The following MED27 variants were observed in gnomAD, a reference collection of about 807,000 sequenced individuals.
MED27 encodes mediator of RNA polymerase II transcription subunit 27.
In MED27, 30 loss-of-function variants were observed where a neutral mutation model predicts 38.2. The observed-to-expected ratio is 0.79, with a 90% CI of 0.59 to 1.07. The LOEUF (loss-of-function observed/expected upper bound fraction) is 1.07, where lower values mean the gene tolerates loss of function less well. MED27 is among the 50% of genes least tolerant of loss of function. MED27 has a pLI of 0.00. For missense variants in MED27, 289 were observed against 397.5 expected, an observed-to-expected ratio of 0.73 and a Z score of 2.32; for synonymous variants, 122 against 153.5, an observed-to-expected ratio of 0.79 and a Z score of 1.52.
chr9:131,897,708 G>A (rs1429082699), intron 4 of MED27, among the ~76,000 whole-genome samples: 1 of 152,192 alleles, frequency 6.6e-6, no homozygotes, highest in Non-Finnish European at 1.5e-5. Context: ...ATGGGTTCAT[G>A]GGGTTCTTTG....
rs1448963828 is a variant in MED27, at chr9:131,872,786, G to T, written c.724-9646C>A. On this transcript the variant is annotated intron_variant, in intron 6 of 7. Coordinates refer to ENST00000292035, the MANE Select transcript of MED27 (RefSeq NM_004269.4). The surrounding 1 kb of genome is among the most constrained non-coding windows in gnomAD (Gnocchi z 5.6). Reference sequence around the variant, plus strand: ...GTGCACACTGTGCCCTGAAGTTCCTGCCCCAATCCAGGAACCCACCTGCTG... The same window carrying T: ...GTGCACACTGTGCCCTGAAGTTCCTTCCCCAATCCAGGAACCCACCTGCTG... Among the ~76,000 whole-genome samples the T allele has an allele frequency of 6.6e-6, 1 of 152,196 alleles. No individual in the cohort carries two copies. Among genetic ancestry groups the T allele is most frequent in the Non-Finnish European group, 1.5e-5 (1 of 68,036 alleles).
chr9:131,973,820 G>T (rs1229341098), intron 3 of MED27, among the ~76,000 whole-genome samples: 1 of 151,766 alleles, frequency 6.6e-6, no homozygotes, highest in Non-Finnish European at 1.5e-5. Flanking sequence ...CCATTCTCCT[G>T]CCTCAGCCTC....
chr9:132,026,785 A>T (rs9411337), intron 2 of MED27, among the ~76,000 whole-genome samples: 88,108 of 152,048 alleles, frequency 0.58, 27,197 homozygotes, highest in Non-Finnish European at 0.68. Context: ...ATAAAAAAAA[A>T]AATAATAACA....
chr9:131,875,147 C>A (rs1206109694), intron 6 of MED27, among the ~76,000 whole-genome samples: 1 of 152,178 alleles, frequency 6.6e-6, no homozygotes, highest in Non-Finnish European at 1.5e-5. Context: ...GGTTGCGCCA[C>A]TGGCCCTCCC....
At chr9:131,915,830 A>T (rs1235964876) in intron 4 of MED27, among the ~76,000 whole-genome samples, 1 of 152,228 alleles carries the variant, frequency 6.6e-6, no homozygotes, top group Admixed American at 6.5e-5. Context: ...ACTCAAACTC[A>T]CATGAGTAGA....
chr9:132,028,509 T>TAA (rs200070674), intron 2 of MED27, among the ~76,000 whole-genome samples: 6 of 141,854 alleles, frequency 4.2e-5, no homozygotes, highest in African/African-American at 1.3e-4. Context: ...ACAAATAAAT[T>TAA]AAAAAAAAAA....
At chr9:132,000,753 T>A (rs868399962) in intron 3 of MED27, among the ~76,000 whole-genome samples, 326 of 130,402 alleles carry the variant, frequency 2.5e-3, no homozygotes, top group African/African-American at 8.4e-3. Context: ...TAAAAAAAAA[T>A]TTTTTTTTTT....
chr9:131,980,822 G>T (rs1418986545), intron 3 of MED27, among the ~76,000 whole-genome samples: 3 of 151,856 alleles, frequency 2.0e-5, no homozygotes, highest in Non-Finnish European at 2.9e-5. Context: ...TTAGTTCAAT[G>T]AATTCTGACA....
chr9:131,899,028 C>T (rs1259282557), intron 4 of MED27, among the ~76,000 whole-genome samples: 1 of 152,214 alleles, frequency 6.6e-6, no homozygotes, highest in Non-Finnish European at 1.5e-5. Flanking sequence ...ATGGCACTCC[C>T]ATCTCAGAGT....
At chr9:131,885,795 G>C (rs761049167) in intron 5 of MED27, among the ~76,000 whole-genome samples, 1 of 152,220 alleles carries the variant, frequency 6.6e-6, no homozygotes, top group Non-Finnish European at 1.5e-5. Context: ...ATACAGTGCT[G>C]ACAGAGACGG....
intron 4 of MED27, among the ~76,000 whole-genome samples, chr9:131,931,576 A>G (rs1283838380): frequency 2.0e-5 from 3 of 152,214 alleles, no homozygotes; most frequent in Non-Finnish European, 2.9e-5. Flanking sequence ...AGCTGAATAG[A>G]TAAAAAAGCA....
chr9:131,860,943 G>C lies in MED27; in HGVS notation c.802-271C>G, dbSNP rs748324478. Among the ~76,000 whole-genome samples, 1 of 152,112 alleles carries C rather than the reference G, an allele frequency of 6.6e-6. No individual in the cohort carries two copies. Among genetic ancestry groups the C allele is most frequent in the Non-Finnish European group, 1.5e-5 (1 of 68,022 alleles). ...GCAGGAAGGCCTCCCTGGAGTCCCC[G>C]TGAACCACCGAGCAGCCTGGTGGTC... On this transcript the variant is annotated intron_variant, in intron 7 of 7. Transcript: ENST00000292035. The surrounding 1 kb of genome is among the most constrained non-coding windows in gnomAD (Gnocchi z 5.8).
chr9:131,921,611 G>A (rs968399029), intron 4 of MED27, among the ~76,000 whole-genome samples: 4 of 152,226 alleles, frequency 2.6e-5, no homozygotes, highest in Admixed American at 6.5e-5. Flanking sequence ...GTGGAAGACA[G>A]TGTGGCAATT....
At chr9:131,888,868 G>A (rs1839183187) in intron 5 of MED27, among the ~76,000 whole-genome samples, 1 of 152,184 alleles carries the variant, frequency 6.6e-6, no homozygotes, top group African/African-American at 2.4e-5. Flanking sequence ...AGAACACAGT[G>A]TTACAGGTCT....
chr9:132,017,044 G>A (rs1466185334), intron 2 of MED27, among the ~76,000 whole-genome samples: 2 of 152,098 alleles, frequency 1.3e-5, no homozygotes. Context: ...GGATTAAGCA[G>A]CACTTGTTAA....
chr9:131,942,424 A>G (rs1327881950), intron 3 of MED27, among the ~76,000 whole-genome samples: 3 of 152,170 alleles, frequency 2.0e-5, no homozygotes, highest in Admixed American at 6.5e-5. Context: ...CTCTAAATCT[A>G]TATGTGTGGT....
intron 2 of MED27, among the ~76,000 whole-genome samples, chr9:132,068,850 G>A (rs1833867815): frequency 1.3e-5 from 2 of 152,206 alleles, no homozygotes. Context: ...ATGTCATTGT[G>A]TGTGGCTGGC....
chr9:131,978,148 T>C (rs1436296955), intron 3 of MED27, among the ~76,000 whole-genome samples: 9 of 151,976 alleles, frequency 5.9e-5, no homozygotes. Context: ...AAATCTACAG[T>C]ATAGACCAAG....
rs78356847 is a variant in MED27 at position 132,068,468 on chromosome 9, G to C, written c.348+8974C>G. 9.5e-3 allele frequency among the ~76,000 whole-genome samples: 1,449 copies of C among 152,208 alleles called. 6 individuals are homozygous for C. Among genetic ancestry groups the C allele is most frequent in the Middle Eastern group, 0.034 (10 of 294 alleles). On this transcript the variant is annotated intron_variant, in intron 2 of 7. Transcript: ENST00000292035. Reference sequence around the variant, plus strand: ...GCAGAGTGGAAAATAGATTAGAAAGGGTAGACTACAGGCCAGAAACCAGTG... The same window carrying C: ...GCAGAGTGGAAAATAGATTAGAAAGCGTAGACTACAGGCCAGAAACCAGTG...
Sources: gnomAD v4.1 joint callset for allele counts (sites outside exome capture counted in the v4.1 genomes callset) on GRCh38, gnomAD v4.1.1 for gene constraint, Gnocchi (gnomAD v3.1) non-coding constraint, MANE v1.5 for transcripts, NCBI Gene and HGNC (gene_info 2026-07-23, HGNC 2026-07-21) for gene names.